ANKRD44: variants seen among roughly 807,000 people sequenced by gnomAD.
ANKRD44 encodes the protein serine/threonine-protein phosphatase 6 regulatory ankyrin repeat subunit B.
Under a neutral mutation model 116.0 loss-of-function variants are expected in ANKRD44, and 35 were observed. The observed-to-expected ratio is 0.30, with a 90% CI of 0.23 to 0.40. ANKRD44 has a LOEUF of 0.40. Among genes scored for constraint, ANKRD44 ranks in the 10% least tolerant of loss-of-function variants. ANKRD44 has a pLI of 1.00. For synonymous variants in ANKRD44, 435 were observed against 461.8 expected (o/e 0.94, Z 0.74); for missense variants, 1,014 against 1,242.6 (o/e 0.82, Z 2.77).
At chr2:197,222,463 T>TA in intron 1 of ANKRD44, among the ~76,000 whole-genome samples, 1 of 152,340 alleles carries the variant, frequency 6.6e-6, no homozygotes, top group Non-Finnish European at 1.5e-5. Context: ...CACGCAGCTT[T>TA]AAAAAACATT....
Position 197,040,355 on chromosome 2 carries a change from T to C in ANKRD44, c.1651-15088A>G, listed in dbSNP as rs75314851. Among the ~76,000 whole-genome samples, 349 of 151,252 alleles carry C rather than the reference T, an allele frequency of 2.3e-3. 1 individual carries two copies. The highest frequency in any genetic ancestry group is 7.7e-3 in the African/African-American group (320 of 41,334). On this transcript the variant is annotated intron_variant, in intron 16 of 27. Coordinates refer to ENST00000282272, the MANE Select transcript of ANKRD44 (RefSeq NM_001195144.2). ...GAAAATTACACGTTAACTTTCAGAT[T>C]TGTTTCCAGTGGAGGTAAGCCTTTT...
chr2:197,271,884 G>C (rs1038660606), intron 1 of ANKRD44, among the ~76,000 whole-genome samples: 6 of 152,212 alleles, frequency 3.9e-5, no homozygotes, highest in African/African-American at 1.4e-4. Context: ...TTACAGGCAT[G>C]AGCCAGCACG....
chr2:197,089,274 T>C (rs534695305), intron 11 of ANKRD44, among the ~76,000 whole-genome samples: 1 of 151,954 alleles, frequency 6.6e-6, no homozygotes, highest in Admixed American at 6.6e-5. Flanking sequence ...GTAAAGTACT[T>C]AAAGGAAAAA....
intron 15 of ANKRD44, among the ~76,000 whole-genome samples, chr2:197,080,536 A>G (rs2077769099): frequency 6.6e-6 from 1 of 152,274 alleles, no homozygotes; most frequent in East Asian, 1.9e-4. Context: ...AGTTCACTGT[A>G]AAAGGAAGCG....
intron 3 of ANKRD44, among the ~76,000 whole-genome samples, chr2:197,140,941 C>G (rs912653211): frequency 6.6e-6 from 1 of 152,048 alleles, no homozygotes; most frequent in African/African-American, 2.4e-5. Context: ...ATAGGCCGAG[C>G]GCGGTGGCTC....
chr2:197,138,834 A>G (rs1415400448), intron 3 of ANKRD44, among the ~76,000 whole-genome samples: 1 of 152,162 alleles, frequency 6.6e-6, no homozygotes, highest in Non-Finnish European at 1.5e-5. Context: ...TATTTTTATT[A>G]TAGTCTTTGG....
downstream of ANKRD44, among the ~76,000 whole-genome samples, chr2:196,983,486 T>C (rs1190223654): frequency 6.6e-6 from 1 of 152,216 alleles, no homozygotes; most frequent in Non-Finnish European, 1.5e-5. Context: ...TCCTCTGATC[T>C]TTGCATAGCT....
chr2:197,098,058 T>C (rs1298197352), intron 10 of ANKRD44, among the ~76,000 whole-genome samples: 1 of 152,186 alleles, frequency 6.6e-6, no homozygotes, highest in Non-Finnish European at 1.5e-5. Context: ...ACCCCATAAT[T>C]ATGTCCATCT....
intron 1 of ANKRD44, chr2:197,263,090 A>G (rs1670370356): frequency 2.2e-6 from 1 of 452,364 alleles, no homozygotes. Flanking sequence ...CTCTCCTGCC[A>G]CAGCCCCTCA....
chr2:197,240,374 CAAAAA>C (rs5837533), intron 1 of ANKRD44, among the ~76,000 whole-genome samples: 1 of 96,638 alleles, frequency 1.0e-5, no homozygotes, highest in Non-Finnish European at 2.1e-5. Flanking sequence ...GGCTCCAGCT[CAAAAA>C]AAAAAAAAAA....
intron 10 of ANKRD44, among the ~76,000 whole-genome samples, chr2:197,093,958 T>C (rs1258181689): frequency 1.3e-5 from 2 of 152,248 alleles, no homozygotes; most frequent in Non-Finnish European, 2.9e-5. Flanking sequence ...AGTCATTGAA[T>C]TAATGGAACA....
chr2:197,147,117 A>G lies in ANKRD44; in HGVS notation c.112-12T>C. ...CGTTTCTCAGAATCCTGAAATACAC[A>G]ACGTCAAAGACATACAACAGGTCAG... On this transcript the variant is annotated splice_polypyrimidine_tract_variant and intron_variant, in intron 2 of 27. Coordinates refer to ENST00000282272, the MANE Select transcript of ANKRD44 (RefSeq NM_001195144.2). 1 of 1,612,950 alleles carries G rather than the reference A, an allele frequency of 6.2e-7. No homozygotes were observed. Among genetic ancestry groups the G allele is most frequent in the East Asian group, 2.2e-5 (1 of 44,858 alleles).
intron 1 of ANKRD44, among the ~76,000 whole-genome samples, chr2:197,210,704 C>T (rs939888011): frequency 6.6e-6 from 1 of 152,138 alleles, no homozygotes; most frequent in Non-Finnish European, 1.5e-5. Flanking sequence ...TAGGGGGCCA[C>T]GGGTTGTGGA....
chr2:197,005,913 G>A lies in ANKRD44; in HGVS notation c.2131-3C>T, dbSNP rs1276303596. On this transcript the variant is annotated splice_region_variant and splice_polypyrimidine_tract_variant and intron_variant, in intron 20 of 27. Transcript: ENST00000282272. ...CATTCCTCGTGTCCTGTCATAATCT[G>A]ATGCATTGTAATTAAAAACACAAAA... is the stretch of plus-strand genomic sequence containing the variant. 2 of 1,613,682 alleles carry A rather than the reference G, an allele frequency of 1.2e-6. No homozygotes were observed. The highest frequency in any genetic ancestry group is 2.2e-5 in the East Asian group (1 of 44,888).
intron 1 of ANKRD44, among the ~76,000 whole-genome samples, chr2:197,287,238 A>T (rs942247396): frequency 2.6e-5 from 4 of 152,084 alleles, no homozygotes; most frequent in Non-Finnish European, 5.9e-5. Context: ...GTGAACATAA[A>T]ATTGCCCTAA....
At chr2:197,067,388 C>A (rs575356804) in intron 16 of ANKRD44, among the ~76,000 whole-genome samples, 2 of 152,272 alleles carry the variant, frequency 1.3e-5, no homozygotes, top group East Asian at 3.9e-4. Context: ...GACTTCATGT[C>A]TAAAACACCA....
chr2:197,292,946 G>C (rs750423914), intron 1 of ANKRD44, among the ~76,000 whole-genome samples: 1 of 152,102 alleles, frequency 6.6e-6, no homozygotes, highest in African/African-American at 2.4e-5. Flanking sequence ...TCCTTGACTG[G>C]AGAAGTTGTC....
chr2:197,071,440 T>C (rs373122111), intron 16 of ANKRD44, among the ~76,000 whole-genome samples: 1 of 152,206 alleles, frequency 6.6e-6, no homozygotes, highest in African/African-American at 2.4e-5. Context: ...TCTTGAGGCT[T>C]TCCTTTTAAC....
chr2:197,265,222 C>A (rs1398781051), intron 1 of ANKRD44, among the ~76,000 whole-genome samples: 1 of 148,610 alleles, frequency 6.7e-6, no homozygotes, highest in Admixed American at 6.7e-5. Flanking sequence ...TAAGTAACAG[C>A]ACTTTTTTTC....
Sources: allele counts gnomAD v4.1 joint callset (sites outside exome capture counted in the v4.1 genomes callset), GRCh38; gene constraint gnomAD v4.1.1; transcripts MANE v1.5; gene names NCBI Gene and HGNC (gene_info 2026-07-23, HGNC 2026-07-21).